Variants in KDR observed in about 807,000 individuals in gnomAD.
KDR encodes the protein vascular endothelial growth factor receptor 2.
In KDR, 43 loss-of-function variants were observed where a neutral mutation model predicts 160.9. The ratio of observed to expected loss-of-function variants is 0.27; its 90% CI spans 0.21 to 0.34. The LOEUF (loss-of-function observed/expected upper bound fraction) is 0.34. KDR is among the 10% of genes least tolerant of loss of function. The probability of loss-of-function intolerance (pLI) is 1.00; values close to 1 mark genes in which losing one functional copy is unlikely to be tolerated. For synonymous variants in KDR, 617 were observed against 600.1 expected, an observed-to-expected ratio of 1.03 and a Z score of -0.41; for missense variants, 1,469 against 1,666.4, an observed-to-expected ratio of 0.88 and a Z score of 2.06.
intron 22 of KDR, 51 bp downstream of exon 22, chr4:55,092,566 T>C: frequency 9.0e-6 from 12 of 1,332,184 alleles, no homozygotes; most frequent in Non-Finnish European, 1.3e-5. Flanking sequence ...ACATCTTATT[T>C]CCAAACCTGT....
chr4:55,095,455 G>GATTACCT (rs1355783602), intron 20 of KDR, 122 bp downstream of exon 20: 1 of 735,460 alleles, frequency 1.4e-6, no homozygotes, highest in African/African-American at 1.7e-5. Context: ...ACAGCCAAGA[G>GATTACCT]GTAATATGAG....
Position 55,110,694 on chromosome 4 carries a change from G to A in KDR, c.1051C>T (p.Pro351Ser), listed in dbSNP as rs2110027988. Residue 351 changes from proline to serine, a missense_variant, in exon 8 of 30, where the codon CCT becomes TCT. Transcript: ENST00000263923. ...GGTGGGTAACCAAGGTACTTCGCAGGGATTCTGACACGCTCCCCCACCGTG... is the reference window on the plus strand; with the variant it reads ...GGTGGGTAACCAAGGTACTTCGCAGAGATTCTGACACGCTCCCCCACCGTG... ...EATVGERVRI[P>S]AKYLGYPPPE... 1.9e-6 allele frequency: 3 copies of A among 1,613,530 alleles called. No individual in the cohort carries two copies. Among genetic ancestry groups the A allele is most frequent in the Non-Finnish European group, 2.5e-6 (3 of 1,179,888 alleles).
In KDR at chr4:55,079,701, T is replaced by A. The variant is rs1165862146; in HGVS notation, c.*240A>T. 5.2e-6 allele frequency: 3 copies of A among 573,328 alleles called. No homozygotes were observed. Among genetic ancestry groups the A allele is most frequent in the Non-Finnish European group, 9.3e-6 (3 of 321,416 alleles). 35.5% of individuals were successfully genotyped at this position (573,328 alleles called of 1,614,324 possible). A position where few individuals can be genotyped will look rare whatever the true frequency, so the allele number is the denominator to read the frequency against. On this transcript the variant is annotated 3_prime_UTR_variant, in exon 30 of 30. Transcript: ENST00000263923. Reference sequence around the variant, plus strand: ...AGCAGGGGGCATGATAAATGCTTTTTAAATGAATGAAAAAGAGGATCAGGT... The same window carrying A: ...AGCAGGGGGCATGATAAATGCTTTTAAAATGAATGAAAAAGAGGATCAGGT...
At chr4:55,086,464 A>G (rs180983671) in intron 27 of KDR, among the ~76,000 whole-genome samples, 294 of 152,268 alleles carry the variant, frequency 1.9e-3, no homozygotes, top group African/African-American at 6.9e-3. Flanking sequence ...ATCTTTAACT[A>G]CAAGTTTGTA....
At chr4:55,105,356 C>A (rs907564828) in intron 12 of KDR, among the ~76,000 whole-genome samples, 1 of 152,116 alleles carries the variant, frequency 6.6e-6, no homozygotes, top group Non-Finnish European at 1.5e-5. Flanking sequence ...ATGAATTAGC[C>A]CTGGCTATAA....
intron 27 of KDR, among the ~76,000 whole-genome samples, chr4:55,083,134 A>C (rs1719779309): frequency 6.6e-6 from 1 of 152,232 alleles, no homozygotes; most frequent in South Asian, 2.1e-4. Flanking sequence ...ATTTGAAGAC[A>C]ACCTCTTCCT....
chr4:55,101,946 T>G lies in KDR; in HGVS notation c.2217A>C (p.Ala739=). 1 of 1,613,762 alleles carries G rather than the reference T, an allele frequency of 6.2e-7. No homozygotes were observed. Among genetic ancestry groups the G allele is most frequent in the Non-Finnish European group, 8.5e-7 (1 of 1,179,748 alleles). ...KEDEGLYTCQ[A]CSVLGCAKVE... Reference sequence around the variant, plus strand: ...CTTTTGCACAGCCAAGAACACTGCATGCCTGGCAGGTGTAGAGGCCTTCGT... The same window carrying G: ...CTTTTGCACAGCCAAGAACACTGCAGGCCTGGCAGGTGTAGAGGCCTTCGT... The change falls in exon 15 of 30, where the codon GCA becomes GCC. Residue 739 remains alanine (A), a synonymous_variant. Transcript: ENST00000263923.
intron 22 of KDR, among the ~76,000 whole-genome samples, chr4:55,090,562 A>G (rs1719986156): frequency 6.6e-6 from 1 of 152,174 alleles, no homozygotes; most frequent in African/African-American, 2.4e-5. Flanking sequence ...CTGATAAACA[A>G]TTCCCAATGT....
rs371597053 is a variant in KDR at position 55,096,295 on chromosome 4, T to A, written c.2662A>T (p.Ile888Phe). 2 of 1,613,590 alleles carry A rather than the reference T, an allele frequency of 1.2e-6. No individual in the cohort carries two copies. The highest frequency in any genetic ancestry group is 2.7e-5 in the African/African-American group (2 of 74,872). ...AGATGGTGACCAATATGAATGAGGA[T>A]CTTGAGTTCAGACATGAGAGCTCGA... is the stretch of plus-strand genomic sequence containing the variant. ...EHRALMSELK[I>F]LIHIGHHLNV... Residue 888 changes from isoleucine to phenylalanine, a missense_variant, in exon 19 of 30, where the codon ATC becomes TTC. By Grantham distance (21) the Ile-to-Phe change is conservative. Transcript: ENST00000263923.
At chr4:55,087,328 T>C (rs1028547014) in intron 27 of KDR, among the ~76,000 whole-genome samples, 2 of 152,258 alleles carry the variant, frequency 1.3e-5, no homozygotes, top group African/African-American at 4.8e-5. Flanking sequence ...CTCTTTATTC[T>C]GGAAATTAGC....
chr4:55,092,583 A>C (rs745895611), intron 22 of KDR, 34 bp downstream of exon 22: 15 of 1,456,998 alleles, frequency 1.0e-5, no homozygotes, highest in Non-Finnish European at 1.9e-6. Context: ...CTGTGATCTG[A>C]AAAGATAGCT....
chr4:55,110,317 G>A (rs1026744981), intron 9 of KDR, 86 bp downstream of exon 9: 10 of 1,358,844 alleles, frequency 7.4e-6, no homozygotes, highest in Admixed American at 1.7e-5. Flanking sequence ...GAAGCAGCAG[G>A]AGGCAGAGGA....
chr4:55,089,230 G>GATGA, intron 25 of KDR, 144 bp downstream of exon 25: 1 of 699,986 alleles, frequency 1.4e-6, no homozygotes, highest in Non-Finnish European at 2.5e-6. Flanking sequence ...ATGACTCCAT[G>GATGA]CTTGAAATTA....
chr4:55,102,242 C>A, intron 14 of KDR, 120 bp downstream of exon 14: 1 of 1,326,828 alleles, frequency 7.5e-7, no homozygotes, highest in Non-Finnish European at 1.1e-6. Context: ...GTGAAATGAG[C>A]CAGGTCATGG....
chr4:55,098,246 G>C lies in KDR; in HGVS notation c.2400C>G (p.Gly800=). 1 of 1,613,868 alleles carries C rather than the reference G, an allele frequency of 6.2e-7. No homozygotes were observed. The highest frequency in any genetic ancestry group is 8.5e-7 in the Non-Finnish European group (1 of 1,179,840). The change falls in exon 17 of 30, where the codon GGC becomes GGG. Residue 800 remains glycine (G), a synonymous_variant. Coordinates refer to ENST00000263923, the MANE Select transcript of KDR (RefSeq NM_002253.4). ...KRANGGELKT[G]YLSIVMDPDE... ...CTGGATCCATGACGATGGACAAGTA[G>C]CCTGTCTTCAGTTCCCCTCCATTGG...
At chr4:55,112,246 C>T (rs968062095) in intron 7 of KDR, among the ~76,000 whole-genome samples, 1 of 152,102 alleles carries the variant, frequency 6.6e-6, no homozygotes, top group African/African-American at 2.4e-5. Context: ...AAACCACCCC[C>T]TCCTCTTCCC....
Position 55,079,569 on chromosome 4 carries a change from T to A in KDR, c.*372A>T. 1 of 386,788 alleles carries A rather than the reference T, an allele frequency of 2.6e-6. No homozygotes were observed. The allele number at this position is 386,788 out of a possible 1,614,324, so 24.0% of individuals were successfully genotyped here. ...CACCTCGAACACTTACATTGCCTGG[T>A]TTATCTTCTAGTTTTACAGAAGTGT... is the stretch of plus-strand genomic sequence containing the variant. On this transcript the variant is annotated 3_prime_UTR_variant, in exon 30 of 30. Coordinates refer to ENST00000263923, the MANE Select transcript of KDR (RefSeq NM_002253.4).
At chr4:55,086,411 A>G (rs1719863315) in intron 27 of KDR, among the ~76,000 whole-genome samples, 1 of 152,298 alleles carries the variant, frequency 6.6e-6, no homozygotes, top group South Asian at 2.1e-4. Flanking sequence ...GCTACAAGAC[A>G]GACTTGGGGG....
At chr4:55,109,648 C>T (rs1404093510) in intron 9 of KDR, among the ~76,000 whole-genome samples, 7 of 152,078 alleles carry the variant, frequency 4.6e-5, no homozygotes, top group African/African-American at 1.7e-4. Context: ...TATGTCTCTC[C>T]TCCTGGAGAA....
Sources: gnomAD v4.1 joint callset for allele counts (sites outside exome capture counted in the v4.1 genomes callset) on GRCh38, gnomAD v4.1.1 for gene constraint, MANE v1.5 for transcripts, NCBI Gene and HGNC (gene_info 2026-07-23, HGNC 2026-07-21) for gene names.